The following IGFL2 variants were observed in gnomAD, a reference collection of about 807,000 sequenced individuals.
IGFL2 encodes insulin growth factor-like family member 2.
IGFL2 carries 7 observed loss-of-function variants against 13.9 expected under a neutral mutation model. That is an observed-to-expected ratio of 0.51 (90% CI 0.29 to 0.95). The LOEUF (loss-of-function observed/expected upper bound fraction) is 0.95. Ranked by LOEUF, IGFL2 falls within the 40% of genes least tolerant of loss-of-function variation. The probability of loss-of-function intolerance (pLI) is 0.08; values close to 1 mark genes in which losing one functional copy is unlikely to be tolerated. For synonymous variants in IGFL2, 55 were observed against 55.8 expected, an observed-to-expected ratio of 0.99 and a Z score of 0.07; for missense variants, 138 against 147.8, an observed-to-expected ratio of 0.93 and a Z score of 0.34.
the IGFL2 span, chr19:46,124,256 T>G: frequency 6.8e-6 from 11 of 1,610,234 alleles, 3 homozygotes; most frequent in African/African-American, 1.5e-4. Flanking sequence ...TTTTTCCCTG[T>G]CCTGTCCTTA....
upstream of IGFL2, among the ~76,000 whole-genome samples, chr19:46,145,006 C>T (rs567142338): frequency 6.0e-4 from 91 of 152,154 alleles, no homozygotes; most frequent in Non-Finnish European, 1.2e-3. Context: ...GTGTGTACCA[C>T]GGTGTGTCTC....
At chr19:46,154,599 A>G (rs1223570621) in intron 1 of IGFL2, among the ~76,000 whole-genome samples, 1 of 149,912 alleles carries the variant, frequency 6.7e-6, no homozygotes, top group East Asian at 2.0e-4. Context: ...ACCCACCACC[A>G]CGCCTGGCTA....
chr19:46,100,827 G>T, the IGFL2 span, among the ~76,000 whole-genome samples: 4,191 of 151,978 alleles, frequency 0.028, 82 homozygotes, highest in East Asian at 0.072. Context: ...TCCTTTCAGT[G>T]TTTTTTTTCA....
At chr19:46,211,045 C>T in the IGFL2 span, among the ~76,000 whole-genome samples, 1 of 152,210 alleles carries the variant, frequency 6.6e-6, no homozygotes, top group Non-Finnish European at 1.5e-5. Flanking sequence ...TAACATCTCA[C>T]ATCCAAGCAA....
At chr19:46,174,093 A>C in the IGFL2 span, 1 of 152,188 alleles carries the variant, frequency 6.6e-6, no homozygotes, top group Non-Finnish European at 1.5e-5. Context: ...AGCAGGTAGC[A>C]CCCCTGCCTG....
At chr19:46,199,087 G>GC in the IGFL2 span, among the ~76,000 whole-genome samples, 1 of 152,184 alleles carries the variant, frequency 6.6e-6, no homozygotes, top group South Asian at 2.1e-4. Flanking sequence ...ACCAAGGCCT[G>GC]CCTCCCCTTC....
At chr19:46,191,364 T>A in the IGFL2 span, among the ~76,000 whole-genome samples, 1 of 152,114 alleles carries the variant, frequency 6.6e-6, no homozygotes, top group East Asian at 1.9e-4. Context: ...GAATTTTCCC[T>A]CCCAGGGCGG....
downstream of IGFL2, among the ~76,000 whole-genome samples, chr19:46,164,843 G>A (rs576024760): frequency 9.2e-5 from 14 of 152,144 alleles, no homozygotes; most frequent in Non-Finnish European, 1.9e-4. Context: ...GTCTCACTTC[G>A]TGAACAGAGG....
At chr19:46,192,670 C>T in the IGFL2 span, among the ~76,000 whole-genome samples, 3 of 152,004 alleles carry the variant, frequency 2.0e-5, no homozygotes, top group East Asian at 5.8e-4. Flanking sequence ...CCACCCACCT[C>T]GGCCTCCCAA....
the IGFL2 span, chr19:46,111,283 A>G: frequency 2.0e-5 from 3 of 152,328 alleles, no homozygotes; most frequent in Non-Finnish European, 4.4e-5. Context: ...TGTCACCTCT[A>G]TATCAGTTGG....
chr19:46,174,174 GAGCTATCAC>G, the IGFL2 span: 4 of 152,240 alleles, frequency 2.6e-5, no homozygotes, highest in African/African-American at 9.7e-5. Context: ...AAGCACAAGT[GAGCTATCAC>G]AGGACCTGGA....
intron 1 of IGFL2, among the ~76,000 whole-genome samples, chr19:46,152,266 GT>G (rs55934631): frequency 0.5 from 67,526 of 133,764 alleles, 15,946 homozygotes; most frequent in African/African-American, 0.7. Flanking sequence ...GCTTCCTTAG[GT>G]TTTTTTTTTT....
chr19:46,088,089 G>A, the IGFL2 span, among the ~76,000 whole-genome samples: 9 of 152,250 alleles, frequency 5.9e-5, no homozygotes, highest in East Asian at 1.2e-3. Flanking sequence ...CTCACCATTC[G>A]CCCAGTTGAT....
the IGFL2 span, among the ~76,000 whole-genome samples, chr19:46,107,172 G>T: frequency 6.6e-6 from 1 of 152,180 alleles, no homozygotes; most frequent in East Asian, 1.9e-4. Flanking sequence ...AGGGGAACAG[G>T]CCCTTGAAAA....
At chr19:46,088,285 T>A in the IGFL2 span, among the ~76,000 whole-genome samples, 1 of 152,238 alleles carries the variant, frequency 6.6e-6, no homozygotes, top group Non-Finnish European at 1.5e-5. Flanking sequence ...TGTGTTAAAG[T>A]CTTTCCTTTA....
upstream of IGFL2, among the ~76,000 whole-genome samples, chr19:46,140,475 C>G (rs921155172): frequency 1.3e-5 from 2 of 152,094 alleles, no homozygotes; most frequent in African/African-American, 4.8e-5. Flanking sequence ...CCAAAGAGTT[C>G]AAGTCTAACG....
At chr19:46,201,656 G>A in the IGFL2 span, among the ~76,000 whole-genome samples, 1 of 152,114 alleles carries the variant, frequency 6.6e-6, no homozygotes, top group South Asian at 2.1e-4. Flanking sequence ...AGGATGATTA[G>A]GTTTTAATGG....
the IGFL2 span, among the ~76,000 whole-genome samples, chr19:46,171,614 C>T: frequency 5.9e-5 from 9 of 152,196 alleles, no homozygotes; most frequent in African/African-American, 1.7e-4. Context: ...CAGCATAGCT[C>T]TCAGCAGTCT....
chr19:46,195,266 C>T, the IGFL2 span: 1 of 152,636 alleles, frequency 6.6e-6, no homozygotes, highest in Non-Finnish European at 1.5e-5. Context: ...ATCCTCTCAC[C>T]TCGGCCTCCC....
Sources: gnomAD v4.1 joint callset for allele counts (sites outside exome capture counted in the v4.1 genomes callset) on GRCh38, gnomAD v4.1.1 for gene constraint, MANE v1.5 for transcripts, NCBI Gene and HGNC (gene_info 2026-07-23, HGNC 2026-07-21) for gene names.